The following DST variants were observed in gnomAD, a reference collection of about 807,000 sequenced individuals.
The protein encoded by DST is dystonin.
DST carries 253 observed loss-of-function variants against 875.2 expected under a neutral mutation model. That is an observed-to-expected ratio of 0.29 (90% CI 0.26 to 0.32). The LOEUF is 0.32. Ranked by LOEUF, DST falls within the 10% of genes least tolerant of loss-of-function variation. The pLI is 1.00. For missense variants in DST, 8,287 were observed against 9,111.6 expected (o/e 0.91, Z 3.68); for synonymous variants, 3,124 against 3,197.1 (o/e 0.98, Z 0.77).
Position 56,919,977 on chromosome 6 carries a change from T to C in DST, c.217-19356A>G, listed in dbSNP as rs1803264048. On this transcript the variant is annotated intron_variant, in intron 2 of 103. Coordinates refer to ENST00000680361, the MANE Select transcript of DST (RefSeq NM_001374736.1). Reference sequence around the variant, plus strand: ...CCGGGAAAAAAGAAGGATATATATATCTAAACACTCTGCTCTGCACCACTT... The same window carrying C: ...CCGGGAAAAAAGAAGGATATATATACCTAAACACTCTGCTCTGCACCACTT... 1.3e-5 allele frequency among the ~76,000 whole-genome samples: 2 copies of C among 152,138 alleles called. 1 individual carries two copies. Among genetic ancestry groups the C allele is most frequent in the South Asian group, 4.1e-4 (2 of 4,828 alleles).
chr6:56,497,601 C>G, intron 81 of DST, 94 bp from the exon 82 acceptor site: 2 of 1,453,410 alleles, frequency 1.4e-6, no homozygotes, highest in Non-Finnish European at 1.9e-6. Context: ...CTAAGCCTCT[C>G]TATGCATTCT....
rs769535204 is a variant in DST at position 56,597,935 on chromosome 6, A to C, written c.12000T>G (p.Val4000=). 1 of 1,613,384 alleles carries C rather than the reference A, an allele frequency of 6.2e-7. No homozygotes were observed. The highest frequency in any genetic ancestry group is 1.3e-5 in the African/African-American group (1 of 74,904). ...IENLLDWLSN[V]DKDSERAGTK... is the part of the protein sequence containing the mutation. Reference sequence around the variant, plus strand: ...TCCCTGCCCTTTCTGAGTCTTTGTCAACATTTGACAACCAGTCCAAAAGGT... The same window carrying C: ...TCCCTGCCCTTTCTGAGTCTTTGTCCACATTTGACAACCAGTCCAAAAGGT... Residue 4000 remains valine, a synonymous_variant, in exon 47 of 104, where the codon GTT becomes GTG. Coordinates refer to ENST00000680361, the MANE Select transcript of DST (RefSeq NM_001374736.1).
chr6:56,561,275 C>G (rs771305739), intron 57 of DST, 33 bp downstream of exon 57: 1 of 1,572,230 alleles, frequency 6.4e-7, no homozygotes, highest in South Asian at 1.2e-5. Flanking sequence ...CATTCTCTTT[C>G]ATGTCTTCCA....
intron 4 of DST, among the ~76,000 whole-genome samples, chr6:56,740,019 A>G (rs949731812): frequency 2.0e-5 from 3 of 151,894 alleles, no homozygotes; most frequent in African/African-American, 7.3e-5. Context: ...GCGCCAACAC[A>G]CCTGGCTAAT....
At chr6:56,515,351 C>G in intron 72 of DST, 99 bp downstream of exon 72, 1 of 1,338,936 alleles carries the variant, frequency 7.5e-7, no homozygotes, top group Non-Finnish European at 1.0e-6. Context: ...TTCTAAAATG[C>G]CTTAATCATG....
rs1194372850 is a variant in DST at position 56,527,484 on chromosome 6, A to G, written c.17922+9T>C. 6.2e-7 allele frequency: 1 copy of G among 1,611,164 alleles called. No individual in the cohort carries two copies. Among genetic ancestry groups the G allele is most frequent in the South Asian group, 1.1e-5 (1 of 90,664 alleles). On this transcript the variant is annotated intron_variant, in intron 68 of 103. Transcript: ENST00000680361. Reference sequence around the variant, plus strand: ...AAGACTAATCCAAAATGCAGAAATCAGAGCTTACCTTTGGTCTCATTTGTG... The same window carrying G: ...AAGACTAATCCAAAATGCAGAAATCGGAGCTTACCTTTGGTCTCATTTGTG...
At chr6:56,911,509 T>C (rs564881648) in intron 2 of DST, among the ~76,000 whole-genome samples, 1 of 152,146 alleles carries the variant, frequency 6.6e-6, no homozygotes, top group African/African-American at 2.4e-5. Context: ...TGGAGTGGAA[T>C]GGAGTCATTC....
chr6:56,609,282 T>C lies in DST; in HGVS notation c.5346A>G (p.Gln1782=), dbSNP rs767479674. Residue 1782 remains glutamine (Q), a synonymous_variant, in exon 40 of 104, where the codon CAA becomes CAG. Coordinates refer to ENST00000680361, the MANE Select transcript of DST (RefSeq NM_001374736.1). The part of the protein sequence containing the change: ...QTTGEVLSVF[Q]AVLRGLIDYD... ...AGTCAATGAGGCCTCTTAAAACTGCTTGAAAGACTGAAAGGACTTCTCCAG... is the reference window on the plus strand; with the variant it reads ...AGTCAATGAGGCCTCTTAAAACTGCCTGAAAGACTGAAAGGACTTCTCCAG... The C allele has an allele frequency of 3.7e-6, 6 of 1,613,594 alleles. No homozygotes were observed. Among genetic ancestry groups the C allele is most frequent in the Non-Finnish European group, 4.2e-6 (5 of 1,179,686 alleles).
At chr6:56,503,896 G>T in intron 78 of DST, 101 bp downstream of exon 78, 2 of 741,666 alleles carry the variant, frequency 2.7e-6, no homozygotes, top group Non-Finnish European at 4.3e-6. Context: ...TAATTAAGCT[G>T]TCATACTTAC....
intron 4 of DST, among the ~76,000 whole-genome samples, chr6:56,804,401 C>G (rs1271108220): frequency 6.6e-6 from 1 of 152,056 alleles, no homozygotes; most frequent in East Asian, 1.9e-4. Context: ...ACAGAGATAA[C>G]TGTTTTGGTA....
Position 56,459,096 on chromosome 6 carries a change from C to A in DST, c.23366G>T (p.Gly7789Val), listed in dbSNP as rs1470313977. Residue 7789 changes from glycine (G) to valine (V), a missense_variant, in exon 104 of 104, where the codon GGT becomes GTT. Gly to Val is a moderately radical substitution (Grantham distance 109). Around this residue, in one of 10 missense-constraint regions of DST, gnomAD observed 240 missense variants for 237.3 expected, o/e 1.01. Transcript: ENST00000680361. ...PQTHRPTPRA[G>V]SRPSTAKPSK... ...AGGCTTCGCTGTGGATGGCCGAGAACCTGCTCGGGGTGTAGGTCTGTGTGT... is the reference window on the plus strand; with the variant it reads ...AGGCTTCGCTGTGGATGGCCGAGAAACTGCTCGGGGTGTAGGTCTGTGTGT... 6 of 1,614,008 alleles carry A rather than the reference C, an allele frequency of 3.7e-6. No individual in the cohort carries two copies. Among genetic ancestry groups the A allele is most frequent in the South Asian group, 1.1e-5 (1 of 91,082 alleles).
chr6:56,905,593 C>T (rs1278764429), intron 2 of DST, among the ~76,000 whole-genome samples: 1 of 151,882 alleles, frequency 6.6e-6, no homozygotes, highest in Non-Finnish European at 1.5e-5. Context: ...GGATTTCCTT[C>T]ATTTTTTAAG....
At chr6:56,804,619 C>T (rs557824487) in intron 4 of DST, among the ~76,000 whole-genome samples, 5 of 152,052 alleles carry the variant, frequency 3.3e-5, no homozygotes, top group Non-Finnish European at 7.4e-5. Flanking sequence ...AATGCTCTAA[C>T]GACCACGCTA....
At chr6:56,699,617 C>A in intron 9 of DST, 36 bp downstream of exon 9, 1 of 1,023,390 alleles carries the variant, frequency 9.8e-7, no homozygotes, top group East Asian at 2.7e-5. Flanking sequence ...TGAAAACTAG[C>A]AATTAGATGC....
chr6:56,462,800 A>G (rs914776308), intron 102 of DST, among the ~76,000 whole-genome samples: 5 of 152,210 alleles, frequency 3.3e-5, no homozygotes. Context: ...AACAAAAAGG[A>G]GGTAGTCTGC....
chr6:56,710,751 ACTT>A (rs1206102235), intron 5 of DST, among the ~76,000 whole-genome samples: 1 of 152,202 alleles, frequency 6.6e-6, no homozygotes, highest in African/African-American at 2.4e-5. Context: ...TTTCAGTACT[ACTT>A]CTTCAGGAGT....
Position 56,609,235 on chromosome 6 carries a change from A to G in DST, c.5393T>C (p.Leu1798Pro). The G allele has an allele frequency of 6.2e-7, 1 of 1,613,816 alleles. No individual in the cohort carries two copies. The highest frequency in any genetic ancestry group is 2.2e-5 in the East Asian group (1 of 44,890). Residue 1798 changes from leucine (L) to proline (P), a missense_variant, in exon 40 of 104, where the codon CTT (leucine) becomes CCT (proline). Leu to Pro is a moderately conservative substitution (Grantham distance 98, BLOSUM62 -3). This residue lies in a region of DST where 3,138 missense variants were observed against 3,116.6 expected (regional missense o/e 1.01). Coordinates refer to ENST00000680361, the MANE Select transcript of DST (RefSeq NM_001374736.1). ...LIDYDTGIRL[L>P]ETQLMISGLI... ...ACCAGAAATCATTAGCTGTGTCTCAAGCAACCTAATTCCTGTGTCATAGTC... is the reference window on the plus strand; with the variant it reads ...ACCAGAAATCATTAGCTGTGTCTCAGGCAACCTAATTCCTGTGTCATAGTC...
At chr6:56,559,289 A>G (rs1268159647) in intron 58 of DST, among the ~76,000 whole-genome samples, 1 of 152,010 alleles carries the variant, frequency 6.6e-6, no homozygotes, top group Admixed American at 6.6e-5. Context: ...TCTTGCTAAT[A>G]CTCTCCCCAA....
intron 82 of DST, among the ~76,000 whole-genome samples, chr6:56,495,739 AACC>A (rs1223914036): frequency 6.6e-6 from 1 of 152,100 alleles, no homozygotes; most frequent in Non-Finnish European, 1.5e-5. Context: ...CAACAACAAA[AACC>A]ACATACATAA....
Sources: gnomAD v4.1 joint callset for allele counts (sites outside exome capture counted in the v4.1 genomes callset) on GRCh38, gnomAD v4.1.1 for gene constraint, gnomAD v4.1.1 regional missense constraint, MANE v1.5 for transcripts, NCBI Gene and HGNC (gene_info 2026-07-23, HGNC 2026-07-21) for gene names.